Variants in ATP6V0C observed in about 807,000 individuals in gnomAD.
The protein encoded by ATP6V0C is ATPase H+ transporting V0 subunit c.
In ATP6V0C, 2 loss-of-function variants were observed where a neutral mutation model predicts 10.6. That is an observed-to-expected ratio of 0.19 (90% CI 0.08 to 0.59). The LOEUF is 0.59. Among genes scored for constraint, ATP6V0C ranks in the 20% least tolerant of loss-of-function variants. The pLI, the probability that ATP6V0C is intolerant of heterozygous loss-of-function variation, is 0.90. For synonymous variants in ATP6V0C, 128 were observed against 101.3 expected (o/e 1.26, Z -1.59); for missense variants, 89 against 225.9 (o/e 0.39, Z 3.88).
rs1263461175 is a variant in ATP6V0C at position 2,519,951 on chromosome 16, C to T, written c.*206C>T. 1.9e-5 allele frequency: 14 copies of T among 753,712 alleles called. No individual in the cohort carries two copies. Among genetic ancestry groups the T allele is most frequent in the Non-Finnish European group, 2.8e-5 (12 of 435,234 alleles). 46.7% of individuals were successfully genotyped at this position (753,712 alleles called of 1,614,324 possible). On this transcript the variant is annotated 3_prime_UTR_variant, in exon 3 of 3. Coordinates refer to ENST00000330398, the MANE Select transcript of ATP6V0C (RefSeq NM_001694.4). ...TGGACATCTGGGCCCACTCATCGCC[C>T]CTCCAGGCCCCCGGCGCCCCACCCC...
chr16:2,519,674 C>T lies in ATP6V0C; in HGVS notation c.397C>T (p.Leu133=). Residue 133 remains leucine (L), a synonymous_variant, in exon 3 of 3, where the codon CTG becomes TTG. Coordinates refer to ENST00000330398, the MANE Select transcript of ATP6V0C (RefSeq NM_001694.4). ...GCCCCGACTATTCGTGGGCATGATC[C>T]TGATTCTCATCTTCGCCGAGGTGCT... is the stretch of plus-strand genomic sequence containing the variant. ...QQPRLFVGMI[L]ILIFAEVLGL... 6.2e-7 allele frequency: 1 copy of T among 1,612,348 alleles called. No individual in the cohort carries two copies. The highest frequency in any genetic ancestry group is 8.5e-7 in the Non-Finnish European group (1 of 1,178,604).
chr16:2,513,824 C>T (rs1218933720), upstream of ATP6V0C: 4 of 239,806 alleles, frequency 1.7e-5, no homozygotes, highest in East Asian at 2.3e-4. Context: ...GCTGGGCGGG[C>T]GGCACAGCCC....
chr16:2,518,654 A>C (rs924315297), intron 1 of ATP6V0C, among the ~76,000 whole-genome samples: 1 of 152,130 alleles, frequency 6.6e-6, no homozygotes, highest in African/African-American at 2.4e-5. Flanking sequence ...TCCTAGGTTA[A>C]TATTTGGGGC....
At position 2,517,713 on chromosome 16, in the gene ATP6V0C, T is replaced by TTGTGTGTGTGTGTGTGTG. The variant is rs142726423; in HGVS notation, c.80-1481_80-1464dup. 6 of 141,616 alleles carry TTGTGTGTGTGTGTGTGTG rather than the reference T, an allele frequency of 4.2e-5. No individual in the cohort carries two copies. The South Asian group carries it at 9.3e-4, about 22-fold the overall frequency. The allele number at this position is 141,616 out of a possible 1,614,324, so 8.8% of individuals were successfully genotyped here. A position where few individuals can be genotyped will look rare whatever the true frequency, so the allele number is the denominator to read the frequency against. ...TGTAGTCTTCTGCAGGTCAGGCTGT[T>TTGTGTGTGTGTGTGTGTG]TGTGTGTGTGTGTGTGTGTGTGTGT... On this transcript the variant is annotated intron_variant, in intron 1 of 2. Transcript: ENST00000330398.
chr16:2,515,048 T>A (rs1023834188), intron 1 of ATP6V0C, among the ~76,000 whole-genome samples: 1 of 152,024 alleles, frequency 6.6e-6, no homozygotes, highest in Non-Finnish European at 1.5e-5. Flanking sequence ...TGAATGACCT[T>A]CCTTTCCCTC....
intron 1 of ATP6V0C, among the ~76,000 whole-genome samples, chr16:2,516,334 C>A (rs185230181): frequency 1.3e-5 from 2 of 152,074 alleles, no homozygotes; most frequent in Non-Finnish European, 2.9e-5. Context: ...GTCTCAAACT[C>A]CTTGTTGCCT....
chr16:2,513,980 G>C lies in ATP6V0C; in HGVS notation c.-124G>C, dbSNP rs1263697648. ...CTGCGGTGCTGGTATTTAGAGCGCA[G>C]CGGCTGACGGGCCGGATCGCCTTCG... On this transcript the variant is annotated 5_prime_UTR_variant, in exon 1 of 3. Coordinates refer to ENST00000330398, the MANE Select transcript of ATP6V0C (RefSeq NM_001694.4). 5 of 833,878 alleles carry C rather than the reference G, an allele frequency of 6.0e-6. No individual in the cohort carries two copies. Among genetic ancestry groups the C allele is most frequent in the South Asian group, 1.8e-5 (1 of 56,580 alleles). The allele number at this position is 833,878 out of a possible 1,614,324, so 51.7% of individuals were successfully genotyped here.
At chr16:2,519,491 T>TC (rs1011608789) in intron 2 of ATP6V0C, 50 bp from the exon 3 acceptor site, 3 of 1,543,666 alleles carry the variant, frequency 1.9e-6, no homozygotes, top group Non-Finnish European at 2.6e-6. Context: ...GACCCTTGTC[T>TC]CCCCCTGGTT....
upstream of ATP6V0C, chr16:2,513,762 G>A (rs2065861828): frequency 5.7e-6 from 1 of 174,110 alleles, no homozygotes. Context: ...GCGGCGCCCG[G>A]AAACACCCGC....
In ATP6V0C at chr16:2,520,035, T is replaced by C; in HGVS notation, c.*290T>C. On this transcript the variant is annotated 3_prime_UTR_variant, in exon 3 of 3. Transcript: ENST00000330398. ...TTGTCATTTCTCTTTACTGGATGTTTATTTATAAAGATCTGGCCTGTTCCT... is the reference window on the plus strand; with the variant it reads ...TTGTCATTTCTCTTTACTGGATGTTCATTTATAAAGATCTGGCCTGTTCCT... 1 of 662,176 alleles carries C rather than the reference T, an allele frequency of 1.5e-6. No individual in the cohort carries two copies. Among genetic ancestry groups the C allele is most frequent in the East Asian group, 3.0e-5 (1 of 33,868 alleles). 41.0% of individuals were successfully genotyped at this position (662,176 alleles called of 1,614,324 possible). A position where few individuals can be genotyped will look rare whatever the true frequency, so the allele number is the denominator to read the frequency against.
In ATP6V0C at chr16:2,519,300, G is replaced by A. The variant is rs772098705; in HGVS notation, c.162G>A (p.Lys54=). The A allele has an allele frequency of 1.2e-6, 2 of 1,614,196 alleles. No individual in the cohort carries two copies. The highest frequency in any genetic ancestry group is 1.7e-6 in the Non-Finnish European group (2 of 1,180,006). ...MSVMRPEQIM[K]SIIPVVMAGI... is the part of the protein sequence containing the mutation. ...TCATGCGGCCGGAGCAGATCATGAAGTCCATCATCCCAGTGGTCATGGCTG... is the reference window on the plus strand; with the variant it reads ...TCATGCGGCCGGAGCAGATCATGAAATCCATCATCCCAGTGGTCATGGCTG... The change falls in exon 2 of 3, where the codon AAG becomes AAA. Residue 54 remains lysine (K), a synonymous_variant. Coordinates refer to ENST00000330398, the MANE Select transcript of ATP6V0C (RefSeq NM_001694.4).
chr16:2,515,203 C>T (rs1439362746), intron 1 of ATP6V0C, among the ~76,000 whole-genome samples: 1 of 152,114 alleles, frequency 6.6e-6, no homozygotes. Context: ...GGGAGAATGG[C>T]ACTTGGGCTA....
In ATP6V0C at chr16:2,520,118, C is replaced by T. The variant is rs1043799044; in HGVS notation, c.*373C>T. ...TCTATAACCTTAGCTAGAGTGTCGC[C>T]TTGTGGGTTCCTGTTGCTGAGACTT... On this transcript the variant is annotated 3_prime_UTR_variant, in exon 3 of 3. Transcript: ENST00000330398. 3 of 577,164 alleles carry T rather than the reference C, an allele frequency of 5.2e-6. No individual in the cohort carries two copies. The highest frequency in any genetic ancestry group is 1.6e-5 in the South Asian group (1 of 62,882). The allele number at this position is 577,164 out of a possible 1,614,324, so 35.8% of individuals were successfully genotyped here.
At chr16:2,515,035 G>A (rs754390593) in intron 1 of ATP6V0C, among the ~76,000 whole-genome samples, 4 of 152,118 alleles carry the variant, frequency 2.6e-5, no homozygotes, top group Non-Finnish European at 5.9e-5. Flanking sequence ...ATGGAGGGGT[G>A]AATGAATGAC....
Position 2,514,130 on chromosome 16 carries a change from G to A in ATP6V0C, c.27G>A (p.Glu9=). Residue 9 remains glutamate (E), a synonymous_variant, in exon 1 of 3, where the codon GAG becomes GAA. Coordinates refer to ENST00000330398, the MANE Select transcript of ATP6V0C (RefSeq NM_001694.4). The part of the protein sequence containing the change: MSESKSGP[E]YASFFAVMGA... Reference sequence around the variant, plus strand: ...TGTCCGAGTCCAAGAGCGGCCCCGAGTATGCTTCGTTTTTCGCCGTCATGG... The same window carrying A: ...TGTCCGAGTCCAAGAGCGGCCCCGAATATGCTTCGTTTTTCGCCGTCATGG... The A allele has an allele frequency of 6.3e-7, 1 of 1,589,822 alleles. No individual in the cohort carries two copies.
At chr16:2,516,906 C>G in intron 1 of ATP6V0C, 1 of 152,782 alleles carries the variant, frequency 6.5e-6, no homozygotes, top group Non-Finnish European at 1.5e-5. Context: ...GTATTCCGCT[C>G]CTGGTGGCCA....
intron 1 of ATP6V0C, among the ~76,000 whole-genome samples, chr16:2,516,321 C>T (rs2065877087): frequency 6.6e-6 from 1 of 152,026 alleles, no homozygotes; most frequent in African/African-American, 2.4e-5. Flanking sequence ...GTGGCTCAGG[C>T]TGGTCTCAAA....
rs1326354951 is a variant in ATP6V0C, at chr16:2,519,555, T to C, written c.278T>C (p.Leu93Pro). 6.4e-7 allele frequency: 1 copy of C among 1,550,790 alleles called. No individual in the cohort carries two copies. Among genetic ancestry groups the C allele is most frequent in the Non-Finnish European group, 8.7e-7 (1 of 1,145,572 alleles). The change falls in exon 3 of 3, where the codon CTG (leucine) becomes CCG (proline). Residue 93 changes from leucine to proline, a missense_variant. Leu to Pro is a moderately conservative substitution (Grantham distance 98). Coordinates refer to ENST00000330398, the MANE Select transcript of ATP6V0C (RefSeq NM_001694.4). ...CTCGCCCCCAGGAGCTTCCTCCAGC[T>C]GGGCGCCGGCCTGAGCGTGGGCCTG... Reference protein sequence around the residue: ...DISLYKSFLQLGAGLSVGLSG... With the variant: ...DISLYKSFLQPGAGLSVGLSG...
intron 1 of ATP6V0C, among the ~76,000 whole-genome samples, chr16:2,516,025 C>G (rs142879169): frequency 6.6e-6 from 1 of 151,162 alleles, no homozygotes; most frequent in African/African-American, 2.4e-5. Context: ...CCTGGCTCTT[C>G]GGGATAAACG....
Sources: gnomAD v4.1 joint callset for allele counts (sites outside exome capture counted in the v4.1 genomes callset) on GRCh38, gnomAD v4.1.1 for gene constraint, MANE v1.5 for transcripts, NCBI Gene and HGNC (gene_info 2026-07-23, HGNC 2026-07-21) for gene names.